RMDN2: variants seen among roughly 807,000 people sequenced by gnomAD.
The protein encoded by RMDN2 is regulator of microtubule dynamics protein 2.
Under a neutral mutation model 52.8 loss-of-function variants are expected in RMDN2, and 61 were observed. That is an observed-to-expected ratio of 1.16 (90% CI 0.94 to 1.43). RMDN2 has a LOEUF of 1.43. Among genes scored for constraint, RMDN2 ranks in the 40% most tolerant of loss-of-function variants. The pLI, the probability that RMDN2 is intolerant of heterozygous loss-of-function variation, is 0.00. For synonymous variants in RMDN2, 180 were observed against 153.1 expected, an observed-to-expected ratio of 1.18 and a Z score of -1.30; for missense variants, 592 against 475.3, an observed-to-expected ratio of 1.25 and a Z score of -2.28.
At chr2:37,983,945 A>G (rs1673656044) in intron 5 of RMDN2, among the ~76,000 whole-genome samples, 2 of 152,206 alleles carry the variant, frequency 1.3e-5, no homozygotes, top group African/African-American at 4.8e-5. Flanking sequence ...GCACAGCAGC[A>G]GAGTAGTTGC....
intron 10 of RMDN2, chr2:38,027,426 A>T (rs1348567609): frequency 6.6e-6 from 1 of 152,198 alleles, no homozygotes; most frequent in African/African-American, 2.4e-5. Flanking sequence ...ACTTTGTAGC[A>T]TTGTAATATT....
intron 2 of RMDN2, among the ~76,000 whole-genome samples, chr2:37,963,911 C>CCG (rs999971471): frequency 2.0e-5 from 3 of 151,258 alleles, no homozygotes; most frequent in Non-Finnish European, 4.4e-5. Flanking sequence ...GGCGCCCCCC[C>CCG]ACCTCCCGGA....
At chr2:37,956,172 A>C (rs970557151) in intron 2 of RMDN2, among the ~76,000 whole-genome samples, 1 of 152,174 alleles carries the variant, frequency 6.6e-6, no homozygotes, top group Non-Finnish European at 1.5e-5. Context: ...CATCACTGTC[A>C]AACGCCACCA....
At chr2:37,930,560 T>TG (rs1666648627) in intron 2 of RMDN2, among the ~76,000 whole-genome samples, 1 of 151,918 alleles carries the variant, frequency 6.6e-6, no homozygotes, top group Non-Finnish European at 1.5e-5. Context: ...AGGGCGCAGG[T>TG]GGGACAGGCA....
chr2:38,011,834 G>A (rs1376432871), intron 10 of RMDN2, among the ~76,000 whole-genome samples: 1 of 152,140 alleles, frequency 6.6e-6, no homozygotes, highest in East Asian at 1.9e-4. Flanking sequence ...AGCTCGGTTT[G>A]CCTGGAGCAA....
chr2:37,973,966 T>C lies in RMDN2; in HGVS notation c.453-74T>C, dbSNP rs534693886. On this transcript the variant is annotated intron_variant, in intron 2 of 10. Coordinates refer to ENST00000354545, the MANE Select transcript of RMDN2 (RefSeq NM_001170791.3). ...AGCATAAGAGGGGCATGATTTGACT[T>C]GCATTTTAAAAGGAATGCTCTGGCT... 35 of 1,214,692 alleles carry C rather than the reference T, an allele frequency of 2.9e-5. No individual in the cohort carries two copies. In the South Asian group the frequency reaches 4.2e-4, roughly 15 times the overall value. 75.2% of individuals were successfully genotyped at this position (1,214,692 alleles called of 1,614,324 possible).
At chr2:38,019,944 T>G (rs1208824717), downstream of RMDN2, among the ~76,000 whole-genome samples, 2 of 152,146 alleles carry the variant, frequency 1.3e-5, no homozygotes, top group Middle Eastern at 3.2e-3. Flanking sequence ...CAAAAAAATT[T>G]TTTTTAATTT....
chr2:37,995,310 A>G (rs1354864067), intron 7 of RMDN2, among the ~76,000 whole-genome samples: 1 of 141,082 alleles, frequency 7.1e-6, no homozygotes, highest in Non-Finnish European at 1.5e-5. Context: ...TACCCCCTGA[A>G]GAAGAGGGGA....
intron 10 of RMDN2, among the ~76,000 whole-genome samples, chr2:38,038,425 C>T (rs910676173): frequency 2.0e-5 from 3 of 152,096 alleles, no homozygotes; most frequent in Non-Finnish European, 2.9e-5. Flanking sequence ...CGGAAAGTGC[C>T]GGGAGGAAAA....
chr2:38,037,233 G>T (rs377757812), intron 10 of RMDN2, among the ~76,000 whole-genome samples: 1 of 152,094 alleles, frequency 6.6e-6, no homozygotes, highest in African/African-American at 2.4e-5. Flanking sequence ...TCAAATAAAT[G>T]GACATAAAGC....
At chr2:37,958,914 G>T (rs1245167474) in intron 2 of RMDN2, among the ~76,000 whole-genome samples, 3 of 150,782 alleles carry the variant, frequency 2.0e-5, no homozygotes, top group African/African-American at 7.5e-5. Context: ...CATCTCATTG[G>T]TCTCACTTGT....
At position 38,017,484 on chromosome 2, in the gene RMDN2, A is replaced by G; in HGVS notation, c.*245A>G. 1 of 1,095,822 alleles carries G rather than the reference A, an allele frequency of 9.1e-7. No individual in the cohort carries two copies. Among genetic ancestry groups the G allele is most frequent in the Non-Finnish European group, 1.2e-6 (1 of 824,400 alleles). The allele number at this position is 1,095,822 out of a possible 1,614,324, so 67.9% of individuals were successfully genotyped here. The stretch of plus-strand genomic sequence containing the variant: ...AACATGTATGCTTTATATTTTTCTT[A>G]TCAATAAACTGCAGCCTTAAGAATA... On this transcript the variant is annotated 3_prime_UTR_variant, in exon 11 of 11. Transcript: ENST00000354545.
At chr2:38,022,686 C>T (rs76975488), downstream of RMDN2, among the ~76,000 whole-genome samples, 6,604 of 152,296 alleles carry the variant, frequency 0.043, 160 homozygotes, top group South Asian at 0.064. Context: ...ATCTTTCTTA[C>T]TAAATAACAA....
At chr2:38,027,964 C>G (rs1052225530) in intron 10 of RMDN2, 13 of 152,142 alleles carry the variant, frequency 8.5e-5, no homozygotes, top group African/African-American at 2.9e-4. Context: ...TTTAAAACAT[C>G]CCAGATATAA....
intron 2 of RMDN2, among the ~76,000 whole-genome samples, chr2:37,946,805 C>T (rs1442392030): frequency 6.6e-6 from 1 of 151,838 alleles, no homozygotes; most frequent in Non-Finnish European, 1.5e-5. Context: ...TTAGGGTGAG[C>T]TTCATAGAGA....
downstream of RMDN2, among the ~76,000 whole-genome samples, chr2:38,020,155 A>G (rs1056500000): frequency 4.6e-5 from 7 of 152,184 alleles, no homozygotes; most frequent in South Asian, 2.1e-4. Context: ...AGGATGATTC[A>G]AGTGCATTAC....
In RMDN2 at chr2:37,989,628, T is replaced by TC; in HGVS notation, c.867+12_867+13insC. 2 of 1,561,512 alleles carry TC rather than the reference T, an allele frequency of 1.3e-6. No homozygotes were observed. Among genetic ancestry groups the TC allele is most frequent in the Non-Finnish European group, 1.7e-6 (2 of 1,143,576 alleles). On this transcript the variant is annotated intron_variant, in intron 6 of 10. Transcript: ENST00000354545. ...GGCACCTCTTCAAGGTATTTCTTTT[T>TC]TTTTTTTCATATTTCTTTTCAGATC... is the stretch of plus-strand genomic sequence containing the variant.
At chr2:38,000,944 A>G (rs901923490) in intron 8 of RMDN2, among the ~76,000 whole-genome samples, 2 of 152,218 alleles carry the variant, frequency 1.3e-5, no homozygotes, top group African/African-American at 4.8e-5. Flanking sequence ...TTCCAATGGC[A>G]GCTGCTGGCA....
chr2:37,983,470 A>C (rs1673596682), intron 5 of RMDN2, among the ~76,000 whole-genome samples: 1 of 152,336 alleles, frequency 6.6e-6, no homozygotes. Flanking sequence ...AATCTTATCA[A>C]AACACAGAGT....
Sources: gnomAD v4.1 joint callset for allele counts (sites outside exome capture counted in the v4.1 genomes callset) on GRCh38, gnomAD v4.1.1 for gene constraint, MANE v1.5 for transcripts, NCBI Gene and HGNC (gene_info 2026-07-23, HGNC 2026-07-21) for gene names.